The following TRIM69 variants were observed in gnomAD, a reference collection of about 807,000 sequenced individuals.
TRIM69 encodes tripartite motif containing 69, also known as E3 ubiquitin-protein ligase TRIM69.
A neutral mutation model predicts 37.7 loss-of-function variants in TRIM69; 29 were observed. The ratio of observed to expected loss-of-function variants is 0.77; its 90% CI spans 0.57 to 1.05. The LOEUF is 1.05. Among genes scored for constraint, TRIM69 ranks in the 50% least tolerant of loss-of-function variants. The pLI is 0.00. For synonymous variants in TRIM69, 209 were observed against 212.4 expected, an observed-to-expected ratio of 0.98 and a Z score of 0.14; for missense variants, 596 against 579.9, an observed-to-expected ratio of 1.03 and a Z score of -0.28.
chr15:44,741,309 T>A (rs1389846738), intron 1 of TRIM69, among the ~76,000 whole-genome samples: 1 of 151,826 alleles, frequency 6.6e-6, no homozygotes, highest in Non-Finnish European at 1.5e-5. Context: ...TGGGACACAT[T>A]CAAAGCAGTG....
chr15:44,748,225 C>A (rs1034075836), intron 1 of TRIM69, among the ~76,000 whole-genome samples: 2 of 152,190 alleles, frequency 1.3e-5, no homozygotes, highest in African/African-American at 4.8e-5. Context: ...AGATGATATG[C>A]AAGTTGAAAA....
chr15:44,737,352 A>G (rs887826356), intron 1 of TRIM69, among the ~76,000 whole-genome samples: 3 of 152,184 alleles, frequency 2.0e-5, no homozygotes, highest in Admixed American at 1.3e-4. Flanking sequence ...AATTTCCTCT[A>G]TCATAGGACC....
intron 6 of TRIM69, among the ~76,000 whole-genome samples, chr15:44,760,276 C>T (rs917325533): frequency 1.9e-4 from 29 of 152,060 alleles, no homozygotes; most frequent in African/African-American, 3.1e-4. Context: ...ATGTTCATAG[C>T]GTAGAACATT....
intron 6 of TRIM69, among the ~76,000 whole-genome samples, chr15:44,761,971 A>G (rs914783153): frequency 6.6e-6 from 1 of 151,406 alleles, no homozygotes; most frequent in Non-Finnish European, 1.5e-5. Context: ...ATTTATTTTT[A>G]TTTATTTATT....
At chr15:44,738,203 G>A (rs1472558522) in intron 1 of TRIM69, among the ~76,000 whole-genome samples, 4 of 150,468 alleles carry the variant, frequency 2.7e-5, no homozygotes, top group African/African-American at 9.8e-5. Flanking sequence ...GGACTGCAGG[G>A]ACGCACCACC....
rs761262142 is a variant in TRIM69 at position 44,767,216 on chromosome 15, T to G, written c.962-15T>G. ...CCTTTCTCCCATGCTCTGCTTTCTT[T>G]TATTTTCTTACTAGGCCTGTCTCCA... On this transcript the variant is annotated splice_polypyrimidine_tract_variant and intron_variant, in intron 6 of 6. Coordinates refer to ENST00000329464, the MANE Select transcript of TRIM69 (RefSeq NM_182985.5). The G allele has an allele frequency of 2.5e-6, 4 of 1,600,344 alleles. No individual in the cohort carries two copies. In the East Asian group the frequency reaches 8.9e-5, roughly 36 times the overall value.
rs2087622889 is a variant in TRIM69 at position 44,755,329 on chromosome 15, C to T, written c.436C>T (p.Gln146Ter). ...QCKDARLSVGQSKEFLQISDA... is the reference protein window; with the variant it reads ...QCKDARLSVG ...CAAGGATGCTCGGTTGTCTGTGGGGCAGTCTAAGGAGTTCCTGCAAATCTC... is the reference window on the plus strand; with the variant it reads ...CAAGGATGCTCGGTTGTCTGTGGGGTAGTCTAAGGAGTTCCTGCAAATCTC... Residue 146 changes from glutamine to a stop codon, truncating the protein, a stop_gained, in exon 2 of 7, where the codon CAG becomes TAG. Coordinates refer to ENST00000329464, the MANE Select transcript of TRIM69 (RefSeq NM_182985.5). LOFTEE classifies it high-confidence loss of function. 1.2e-6 allele frequency: 2 copies of T among 1,613,966 alleles called. No individual in the cohort carries two copies. Among genetic ancestry groups the T allele is most frequent in the Non-Finnish European group, 1.7e-6 (2 of 1,180,018 alleles).
chr15:44,767,053 C>CAAAAAAAAAAAAAAAAAAGAAAAAA (rs2087905231), intron 6 of TRIM69, among the ~76,000 whole-genome samples, 178 bp from the exon 7 acceptor site: 1 of 24,316 alleles, frequency 4.1e-5, no homozygotes, highest in Non-Finnish European at 6.9e-5. Flanking sequence ...TTGTCTGCCT[C>CAAAAAAAAAAAAAAAAAAGAAAAAA]AAAAAAAAAA....
Position 44,750,715 on chromosome 15 carries a change from CTT to C in TRIM69, c.7-4159_7-4158del, listed in dbSNP as rs869059418. ...TCGCATTTTTATTTCATTACTTTTT[CTT>C]TTTTTTTTTTTTTTTTTTTTTTTTT... On this transcript the variant is annotated intron_variant, in intron 1 of 6. Coordinates refer to ENST00000329464, the MANE Select transcript of TRIM69 (RefSeq NM_182985.5). Among the ~76,000 whole-genome samples, 562 of 102,808 alleles carry C rather than the reference CTT, an allele frequency of 5.5e-3. 38 individuals are homozygous for C. Among genetic ancestry groups the C allele is most frequent in the South Asian group, 0.016 (50 of 3,198 alleles). The allele number at this position is 102,808 out of a possible 152,430, so 67.4% of individuals were successfully genotyped here.
At chr15:44,763,836 C>T (rs2087831072) in intron 6 of TRIM69, among the ~76,000 whole-genome samples, 1 of 152,158 alleles carries the variant, frequency 6.6e-6, no homozygotes, top group African/African-American at 2.4e-5. Context: ...CAAGAGCAGC[C>T]TTTAATCTAG....
chr15:44,760,991 C>T (rs1465641559), intron 6 of TRIM69, among the ~76,000 whole-genome samples: 1 of 151,620 alleles, frequency 6.6e-6, no homozygotes, highest in Non-Finnish European at 1.5e-5. Flanking sequence ...CATCTCTGCT[C>T]ACTGCAAGCT....
At chr15:44,753,419 G>A (rs1042033230) in intron 1 of TRIM69, 3 of 152,122 alleles carry the variant, frequency 2.0e-5, no homozygotes, top group African/African-American at 7.2e-5. Flanking sequence ...TGCCTGGCTG[G>A]ATACAGAACT....
At chr15:44,736,822 AAGT>A in intron 1 of TRIM69, 112 bp downstream of exon 1, 1 of 1,311,606 alleles carries the variant, frequency 7.6e-7, no homozygotes, top group Non-Finnish European at 1.1e-6. Flanking sequence ...TCATGAAGGG[AAGT>A]ATTTAACTTG....
intron 1 of TRIM69, chr15:44,753,573 CAA>C (rs2087579912): frequency 6.6e-6 from 1 of 152,192 alleles, no homozygotes. Flanking sequence ...TTGCTGCTTT[CAA>C]GATTCCTTCC....
rs1051917244 is a variant in TRIM69, at chr15:44,755,458, C to T, written c.483+82C>T. ...TAGGGCTTCTTCTTTCTTCCAACCC[C>T]ATCCCTTTATTCAAATGATGATTAG... On this transcript the variant is annotated intron_variant, in intron 2 of 6. Transcript: ENST00000329464. 22 of 1,009,886 alleles carry T rather than the reference C, an allele frequency of 2.2e-5. No homozygotes were observed. In the African/African-American group the frequency reaches 2.9e-4, roughly 13 times the overall value. 62.6% of individuals were successfully genotyped at this position (1,009,886 alleles called of 1,614,324 possible). A position where few individuals can be genotyped will look rare whatever the true frequency, so the allele number is the denominator to read the frequency against.
intron 6 of TRIM69, among the ~76,000 whole-genome samples, chr15:44,764,200 A>G (rs992151887): frequency 6.6e-6 from 1 of 152,224 alleles, no homozygotes; most frequent in Non-Finnish European, 1.5e-5. Flanking sequence ...TGTAAAGCCA[A>G]ACTTCACTTC....
At chr15:44,751,385 G>A (rs1020736819) in intron 1 of TRIM69, among the ~76,000 whole-genome samples, 8 of 152,050 alleles carry the variant, frequency 5.3e-5, no homozygotes, top group African/African-American at 1.9e-4. Context: ...CAAAGTGCTA[G>A]GATTACAGGC....
intron 1 of TRIM69, among the ~76,000 whole-genome samples, chr15:44,748,134 G>A (rs994035415): frequency 1.3e-5 from 2 of 152,170 alleles, no homozygotes; most frequent in Non-Finnish European, 2.9e-5. Context: ...GAACAGAAGA[G>A]TAACCTCTGG....
chr15:44,760,724 A>T (rs78629233), intron 6 of TRIM69, among the ~76,000 whole-genome samples: 8,542 of 152,176 alleles, frequency 0.056, 281 homozygotes, highest in South Asian at 0.092. Context: ...CTCCATAATC[A>T]AAATATAGAA....
Sources: allele counts gnomAD v4.1 joint callset (sites outside exome capture counted in the v4.1 genomes callset), GRCh38; gene constraint gnomAD v4.1.1; transcripts MANE v1.5; gene names NCBI Gene and HGNC (gene_info 2026-07-23, HGNC 2026-07-21).